Variants in PARVA observed in about 807,000 individuals in gnomAD.
PARVA encodes the protein alpha-parvin.
A neutral mutation model predicts 52.6 loss-of-function variants in PARVA; 25 were observed. That is an observed-to-expected ratio of 0.48 (90% CI 0.35 to 0.66). PARVA has a LOEUF of 0.66. PARVA is among the 30% of genes least tolerant of loss of function. PARVA has a pLI of 0.01. For synonymous variants in PARVA, 185 were observed against 179.1 expected (o/e 1.03, Z -0.26); for missense variants, 373 against 450.9 (o/e 0.83, Z 1.56).
chr11:12,459,910 CAAA>C (rs773031269), intron 1 of PARVA, among the ~76,000 whole-genome samples: 15 of 152,268 alleles, frequency 9.9e-5, no homozygotes, highest in East Asian at 5.8e-4. Context: ...TTAAAACAAA[CAAA>C]AACACTGCTC....
chr11:12,496,361 T>TGAGTGCATGCATGCAC, intron 4 of PARVA, 97 bp from the exon 5 acceptor site: 2 of 1,217,474 alleles, frequency 1.6e-6, no homozygotes, highest in Non-Finnish European at 1.1e-6. Flanking sequence ...CATGCATGCA[T>TGAGTGCATGCATGCAC]GAGTGCATGA....
intron 1 of PARVA, among the ~76,000 whole-genome samples, chr11:12,397,954 G>A (rs1416556510): frequency 1.3e-5 from 2 of 152,110 alleles, no homozygotes; most frequent in African/African-American, 4.8e-5. Context: ...TCTGAAGCCA[G>A]TGGTTGCTAA....
At chr11:12,440,248 T>C (rs1426816089) in intron 1 of PARVA, among the ~76,000 whole-genome samples, 1 of 152,164 alleles carries the variant, frequency 6.6e-6, no homozygotes, top group East Asian at 1.9e-4. Context: ...CAGTGATTGG[T>C]GCTGGCCCCG....
chr11:12,486,477 G>A (rs998842625), intron 4 of PARVA, among the ~76,000 whole-genome samples: 16 of 152,032 alleles, frequency 1.1e-4, no homozygotes, highest in Non-Finnish European at 2.4e-4. Context: ...AGGTTGCAGT[G>A]AGCCGAGATC....
chr11:12,469,894 C>T lies in PARVA; in HGVS notation c.137-3851C>T, dbSNP rs558560477. Among the ~76,000 whole-genome samples, 3 of 152,326 alleles carry T rather than the reference C, an allele frequency of 2.0e-5. No individual in the cohort carries two copies. In the South Asian group the frequency reaches 6.2e-4, roughly 32 times the overall value. On this transcript the variant is annotated intron_variant, in intron 1 of 12. Coordinates refer to ENST00000334956, the MANE Select transcript of PARVA (RefSeq NM_018222.5). ...AATGATCTACACAGAAAAAGAGATC[C>T]TGTTCAGACCCACCTTTAGGAGTCC... is the stretch of plus-strand genomic sequence containing the variant.
At chr11:12,385,807 T>C (rs1337866827) in intron 1 of PARVA, among the ~76,000 whole-genome samples, 3 of 152,218 alleles carry the variant, frequency 2.0e-5, no homozygotes, top group Non-Finnish European at 4.4e-5. Flanking sequence ...GAAGGAAGCA[T>C]GTACGTGTAC....
chr11:12,425,889 G>A (rs147627223), intron 1 of PARVA, among the ~76,000 whole-genome samples: 22 of 152,302 alleles, frequency 1.4e-4, no homozygotes, highest in African/African-American at 4.6e-4. Flanking sequence ...CCAAGGACAC[G>A]TTTTATTCGC....
intron 1 of PARVA, among the ~76,000 whole-genome samples, chr11:12,457,948 G>A (rs755332627): frequency 3.9e-5 from 6 of 152,262 alleles, no homozygotes; most frequent in Non-Finnish European, 2.9e-5. Context: ...ACTGGAGCTA[G>A]ACCAGAGTCG....
chr11:12,474,764 GT>G lies in PARVA; in HGVS notation c.297+782del, dbSNP rs1940985507. Among the ~76,000 whole-genome samples, 7 of 151,496 alleles carry G rather than the reference GT, an allele frequency of 4.6e-5. No homozygotes were observed. In the East Asian group the frequency reaches 7.8e-4, roughly 17 times the overall value. ...TACTAAAAATACAAAAAGTAGCCAA[GT>G]GTGGTGGCGCATGACTGTAATCCCA... On this transcript the variant is annotated intron_variant, in intron 3 of 12. Coordinates refer to ENST00000334956, the MANE Select transcript of PARVA (RefSeq NM_018222.5).
Position 12,377,688 on chromosome 11 carries a change from C to G in PARVA, c.41C>G (p.Ser14Cys). ...CAGAAGTCGCCTTCTGTCCCCAAGT[C>G]TCCCACTCCCAAGTCGCCCCCGTCC... is the stretch of plus-strand genomic sequence containing the variant. ...SPQKSPSVPK[S>C]PTPKSPPSRK... The change falls in exon 1 of 13, where the codon TCT becomes TGT. Residue 14 changes from serine to cysteine, a missense_variant. Ser to Cys is a moderately radical substitution (Grantham distance 112). Coordinates refer to ENST00000334956, the MANE Select transcript of PARVA (RefSeq NM_018222.5). 22 of 1,568,208 alleles carry G rather than the reference C, an allele frequency of 1.4e-5. No homozygotes were observed. Among genetic ancestry groups the G allele is most frequent in the Non-Finnish European group, 1.8e-5 (21 of 1,161,902 alleles).
chr11:12,410,214 G>T (rs552237579), intron 1 of PARVA, among the ~76,000 whole-genome samples: 1 of 152,344 alleles, frequency 6.6e-6, no homozygotes, highest in South Asian at 2.1e-4. Context: ...GGACTGCAGG[G>T]CAGGGATCAG....
rs139671632 is a variant in PARVA at position 12,504,355 on chromosome 11, G to A, written c.583G>A (p.Val195Ile). Residue 195 changes from valine (V) to isoleucine (I), a missense_variant, in exon 6 of 13, where the codon GTT (valine) becomes ATT (isoleucine). By Grantham distance (29) the Val-to-Ile change is conservative. Coordinates refer to ENST00000334956, the MANE Select transcript of PARVA (RefSeq NM_018222.5). ...CCTGGTGGCCATCTTACACCTGCTC[G>A]TTGCTCTGTCTCAGTATTTCCGCGC... ...KSLVAILHLL[V>I]ALSQYFRAPI... is the part of the protein sequence containing the mutation. 28 of 1,613,756 alleles carry A rather than the reference G, an allele frequency of 1.7e-5. No individual in the cohort carries two copies. Among genetic ancestry groups the A allele is most frequent in the South Asian group, 2.2e-5 (2 of 91,048 alleles).
rs1487907109 is a variant in PARVA at position 12,535,255 on chromosome 11, A to T, written c.*7330A>T. ...AAGCTCACCACCAAGGGCTTTTGCC[A>T]GATTGCTTTCATTTACAGAATTTGC... On this transcript the variant is annotated 3_prime_UTR_variant, in exon 13 of 13. Coordinates refer to ENST00000334956, the MANE Select transcript of PARVA (RefSeq NM_018222.5). 4.6e-5 allele frequency among the ~76,000 whole-genome samples: 7 copies of T among 152,222 alleles called. No homozygotes were observed. Among genetic ancestry groups the T allele is most frequent in the Admixed American group, 4.6e-4 (7 of 15,288 alleles).
rs142115268 is a variant in PARVA, at chr11:12,533,536, G to C, written c.*5611G>C. ...TCATATGAAAGTACGGTTGATCCTT[G>C]AATGATATGGGCACCGACCCCTGAG... On this transcript the variant is annotated 3_prime_UTR_variant, in exon 13 of 13. Transcript: ENST00000334956. Among the ~76,000 whole-genome samples the C allele has an allele frequency of 1.3e-5, 2 of 152,220 alleles. No individual in the cohort carries two copies. The highest frequency in any genetic ancestry group is 2.9e-5 in the Non-Finnish European group (2 of 68,012).
intron 1 of PARVA, among the ~76,000 whole-genome samples, chr11:12,379,696 A>T (rs1939457490): frequency 2.0e-5 from 3 of 152,204 alleles, no homozygotes; most frequent in Admixed American, 2.0e-4. Flanking sequence ...AGCGCTGAGG[A>T]TTATCAGACT....
At chr11:12,505,514 A>G (rs1941422539) in intron 6 of PARVA, among the ~76,000 whole-genome samples, 1 of 152,234 alleles carries the variant, frequency 6.6e-6, no homozygotes, top group African/African-American at 2.4e-5. Context: ...TCCACTAAGC[A>G]TTAAGAAGGT....
At chr11:12,399,062 T>G (rs1162276858) in intron 1 of PARVA, among the ~76,000 whole-genome samples, 1 of 152,228 alleles carries the variant, frequency 6.6e-6, no homozygotes, top group African/African-American at 2.4e-5. Flanking sequence ...AGCCCATAGT[T>G]AGTAAATGGT....
chr11:12,499,751 T>C (rs1941343549), intron 5 of PARVA, among the ~76,000 whole-genome samples: 1 of 152,164 alleles, frequency 6.6e-6, no homozygotes, highest in African/African-American at 2.4e-5. Flanking sequence ...AACATTGTGC[T>C]GTGTTCTTCA....
At chr11:12,444,935 T>C (rs1411485546) in intron 1 of PARVA, among the ~76,000 whole-genome samples, 2 of 152,052 alleles carry the variant, frequency 1.3e-5, no homozygotes, top group East Asian at 1.9e-4. Flanking sequence ...CTGCTGTCCA[T>C]AGGTGGAGTT....
Sources: gnomAD v4.1 joint callset for allele counts (sites outside exome capture counted in the v4.1 genomes callset) on GRCh38, gnomAD v4.1.1 for gene constraint, MANE v1.5 for transcripts, NCBI Gene and HGNC (gene_info 2026-07-23, HGNC 2026-07-21) for gene names.